The following SEC14L1 variants were observed in gnomAD, a reference collection of about 807,000 sequenced individuals.
The protein encoded by SEC14L1 is SEC14-like protein 1.
In SEC14L1, 48 loss-of-function variants were observed where a neutral mutation model predicts 85.3. The ratio of observed to expected loss-of-function variants is 0.56; its 90% CI spans 0.45 to 0.72. The LOEUF (loss-of-function observed/expected upper bound fraction) is 0.72, where lower values mean the gene tolerates loss of function less well. SEC14L1 is among the 30% of genes least tolerant of loss of function. The pLI is 0.00. For missense variants in SEC14L1, 682 were observed against 921.4 expected, an observed-to-expected ratio of 0.74 and a Z score of 3.36; for synonymous variants, 391 against 355.5, an observed-to-expected ratio of 1.10 and a Z score of -1.12.
intron 3 of SEC14L1, among the ~76,000 whole-genome samples, chr17:77,145,464 TG>T (rs1649255896): frequency 6.6e-6 from 1 of 152,180 alleles, no homozygotes; most frequent in African/African-American, 2.4e-5. Context: ...TTTGTGTGTG[TG>T]GGTAAGAAGC....
chr17:77,127,079 G>A (rs1328832922), intron 3 of SEC14L1, among the ~76,000 whole-genome samples: 3 of 150,592 alleles, frequency 2.0e-5, no homozygotes, highest in Non-Finnish European at 4.4e-5. Flanking sequence ...AGGGGTACAC[G>A]TGCCATAGTG....
intron 8 of SEC14L1, among the ~76,000 whole-genome samples, chr17:77,196,692 AG>A (rs145923145): frequency 0.029 from 4,435 of 152,280 alleles, 216 homozygotes; most frequent in African/African-American, 0.1. Context: ...AGCCTCATAA[AG>A]GTGTAAATTT....
chr17:77,111,856 A>T (rs572864276), intron 3 of SEC14L1, among the ~76,000 whole-genome samples: 29 of 152,342 alleles, frequency 1.9e-4, no homozygotes, highest in African/African-American at 6.7e-4. Flanking sequence ...TGCTGGAATA[A>T]GCTAAGACTT....
At chr17:77,099,748 T>G (rs1289588623) in intron 3 of SEC14L1, among the ~76,000 whole-genome samples, 1 of 152,042 alleles carries the variant, frequency 6.6e-6, no homozygotes, top group South Asian at 2.1e-4. Context: ...AGAGTGAGAC[T>G]CTCTCAAACA....
In SEC14L1 at chr17:77,196,283, A is replaced by G. The variant is rs752045564; in HGVS notation, c.791A>G (p.Gln264Arg). Residue 264 changes from glutamine to arginine, a missense_variant, in exon 8 of 17, where the codon CAG (glutamine) becomes CGG (arginine). By Grantham distance (43) the Gln-to-Arg change is conservative. Transcript: ENST00000436233. ...LQESCLIRLR[Q>R]WLQETHKGKI... The stretch of plus-strand genomic sequence containing the variant: ...GAGAGCTGCCTCATTAGACTTCGCC[A>G]GTGGCTCCAGGAGACCCACAAGGGC... The G allele has an allele frequency of 2.5e-6, 4 of 1,613,982 alleles. No homozygotes were observed. Among genetic ancestry groups the G allele is most frequent in the Admixed American group, 1.7e-5 (1 of 60,018 alleles).
At chr17:77,132,743 G>T (rs181407454) in intron 3 of SEC14L1, among the ~76,000 whole-genome samples, 12 of 152,288 alleles carry the variant, frequency 7.9e-5, no homozygotes, top group African/African-American at 2.6e-4. Context: ...TTTTGCTATG[G>T]TAGTGAAGGG....
At chr17:77,179,589 G>A (rs960075939) in intron 3 of SEC14L1, among the ~76,000 whole-genome samples, 7 of 152,190 alleles carry the variant, frequency 4.6e-5, no homozygotes, top group South Asian at 4.1e-4. Flanking sequence ...GAACCATGGA[G>A]TTTGAGGTCT....
At chr17:77,180,638 G>A (rs1260987894) in intron 3 of SEC14L1, among the ~76,000 whole-genome samples, 1 of 152,136 alleles carries the variant, frequency 6.6e-6, no homozygotes. Flanking sequence ...GCTGACTTTG[G>A]TTGAGGTGTG....
chr17:77,194,818 G>T lies in SEC14L1; in HGVS notation c.616G>T (p.Val206Phe). The change falls in exon 7 of 17, where the codon GTC becomes TTC. Residue 206 changes from valine to phenylalanine, a missense_variant. Transcript: ENST00000436233. ...CAAGAAACAAGCAGCGTCCATGGCC[G>T]TCGTCATCCCAGAAGCTGCCCTCAA... ...SSKKQAASMA[V>F]VIPEAALKEG... The T allele has an allele frequency of 6.2e-7, 1 of 1,614,200 alleles. No homozygotes were observed. The highest frequency in any genetic ancestry group is 1.1e-5 in the South Asian group (1 of 91,092).
intron 3 of SEC14L1, among the ~76,000 whole-genome samples, chr17:77,149,116 C>T (rs1973442185): frequency 6.6e-6 from 1 of 152,176 alleles, no homozygotes; most frequent in South Asian, 2.1e-4. Context: ...CTGAAGATGC[C>T]ATTCATGTTT....
At chr17:77,090,021 G>GAA (rs111754962) in intron 2 of SEC14L1, 17 of 125,966 alleles carry the variant, frequency 1.3e-4, no homozygotes, top group Middle Eastern at 4.6e-3. Context: ...AAAACTCCGA[G>GAA]AAAAAAAAAA....
intron 3 of SEC14L1, among the ~76,000 whole-genome samples, chr17:77,116,839 C>T (rs1187039468): frequency 6.6e-6 from 1 of 152,136 alleles, no homozygotes; most frequent in African/African-American, 2.4e-5. Context: ...GTAAGTGGGA[C>T]TGTAGAAGTC....
chr17:77,182,812 C>A (rs978460844), intron 3 of SEC14L1, among the ~76,000 whole-genome samples: 1 of 152,224 alleles, frequency 6.6e-6, no homozygotes, highest in African/African-American at 2.4e-5. Flanking sequence ...TGAAGGCCTG[C>A]TGATGTGGGC....
intron 3 of SEC14L1, chr17:77,094,521 A>C (rs1054938158): frequency 6.6e-6 from 1 of 152,100 alleles, no homozygotes; most frequent in Non-Finnish European, 1.5e-5. Flanking sequence ...GCTGGAGTGC[A>C]GTGGCATGAT....
chr17:77,173,054 G>A (rs1252357312), intron 3 of SEC14L1, among the ~76,000 whole-genome samples: 1 of 152,146 alleles, frequency 6.6e-6, no homozygotes, highest in East Asian at 1.9e-4. Flanking sequence ...CTCAGCCCAA[G>A]TATATATCTG....
At chr17:77,124,636 A>T (rs1972389577) in intron 3 of SEC14L1, among the ~76,000 whole-genome samples, 1 of 152,238 alleles carries the variant, frequency 6.6e-6, no homozygotes, top group African/African-American at 2.4e-5. Context: ...TAAATATTTA[A>T]AGGCTTGGCC....
intron 3 of SEC14L1, among the ~76,000 whole-genome samples, chr17:77,144,075 C>T (rs963968467): frequency 6.6e-6 from 1 of 152,016 alleles, no homozygotes; most frequent in Non-Finnish European, 1.5e-5. Flanking sequence ...GAGCACTGTG[C>T]GATGGAGTTT....
chr17:77,124,778 G>A (rs1047434286), intron 3 of SEC14L1, among the ~76,000 whole-genome samples: 2 of 152,112 alleles, frequency 1.3e-5, no homozygotes, highest in Non-Finnish European at 2.9e-5. Context: ...CCTTTCAGCA[G>A]GTTGGAACTG....
chr17:77,099,675 G>C (rs1971722292), intron 3 of SEC14L1, among the ~76,000 whole-genome samples: 1 of 152,152 alleles, frequency 6.6e-6, no homozygotes, highest in Admixed American at 6.6e-5. Flanking sequence ...AGAATCACTT[G>C]AACGTGGGAG....
Sources: gnomAD v4.1 joint callset for allele counts (sites outside exome capture counted in the v4.1 genomes callset) on GRCh38, gnomAD v4.1.1 for gene constraint, MANE v1.5 for transcripts, NCBI Gene and HGNC (gene_info 2026-07-23, HGNC 2026-07-21) for gene names.